The following SELENOF variants were observed in gnomAD, a reference collection of about 807,000 sequenced individuals.
SELENOF encodes selenoprotein F, also known as 15 kDa selenoprotein.
In SELENOF, 16 loss-of-function variants were observed where a neutral mutation model predicts 20.5. That is an observed-to-expected ratio of 0.78 (90% confidence interval 0.53 to 1.19). The LOEUF is 1.19. Ranked by LOEUF, SELENOF falls within the 50% of genes most tolerant of loss-of-function variation. SELENOF has a pLI of 0.00. For synonymous variants in SELENOF, 78 were observed against 74.5 expected (o/e 1.05, Z -0.24); for missense variants, 215 against 194.2 (o/e 1.11, Z -0.64).
At chr1:86,893,990 T>A (rs1294191383) in intron 2 of SELENOF, among the ~76,000 whole-genome samples, 1 of 152,184 alleles carries the variant, frequency 6.6e-6, no homozygotes, top group African/African-American at 2.4e-5. Context: ...TTTCCTATTA[T>A]CTGGAAAGTA....
intron 2 of SELENOF, among the ~76,000 whole-genome samples, chr1:86,890,691 G>A (rs482440): frequency 0.26 from 38,921 of 150,928 alleles, 6,180 homozygotes; most frequent in African/African-American, 0.45. Context: ...TAGAGATGGA[G>A]GTCTTGGTCT....
intron 1 of SELENOF, among the ~76,000 whole-genome samples, chr1:86,912,145 G>A (rs995005027): frequency 5.9e-5 from 9 of 152,124 alleles, no homozygotes; most frequent in African/African-American, 2.2e-4. Flanking sequence ...ATACAGCCAG[G>A]GATAATTCAA....
At chr1:86,891,986 AGTGGCGT>A (rs1460943249) in intron 2 of SELENOF, among the ~76,000 whole-genome samples, 5 of 151,486 alleles carry the variant, frequency 3.3e-5, no homozygotes, top group African/African-American at 1.2e-4. Context: ...GATGGAGTGC[AGTGGCGT>A]GATCTCGGTT....
chr1:86,886,079 C>T (rs1659208008), intron 2 of SELENOF, among the ~76,000 whole-genome samples: 1 of 152,138 alleles, frequency 6.6e-6, no homozygotes, highest in South Asian at 2.1e-4. Context: ...AATGGCCACT[C>T]CAAATTTTCT....
chr1:86,881,905 T>C (rs1370224312), intron 2 of SELENOF, among the ~76,000 whole-genome samples: 1 of 151,960 alleles, frequency 6.6e-6, no homozygotes, highest in African/African-American at 2.4e-5. Context: ...ATTCTGATGA[T>C]CTCTAAGGGT....
At chr1:86,895,425 C>T (rs1034095808) in intron 2 of SELENOF, among the ~76,000 whole-genome samples, 1 of 152,206 alleles carries the variant, frequency 6.6e-6, no homozygotes, top group African/African-American at 2.4e-5. Flanking sequence ...TTACCTACTA[C>T]TTGTTATATG....
chr1:86,872,645 T>G (rs1658807037), intron 3 of SELENOF, among the ~76,000 whole-genome samples: 1 of 151,236 alleles, frequency 6.6e-6, no homozygotes, highest in Admixed American at 6.6e-5. Flanking sequence ...CCTTCCAAAG[T>G]GCTGGGATTA....
intron 1 of SELENOF, among the ~76,000 whole-genome samples, chr1:86,909,123 A>AT (rs1659908657): frequency 6.6e-6 from 1 of 152,186 alleles, no homozygotes; most frequent in Non-Finnish European, 1.5e-5. Context: ...TTGTTCCCTC[A>AT]TCCCCCTTTA....
chr1:86,869,724 CTTCT>C (rs540105918), intron 3 of SELENOF, among the ~76,000 whole-genome samples: 66 of 149,074 alleles, frequency 4.4e-4, no homozygotes, highest in South Asian at 1.3e-3. Context: ...TCCTTCCTTC[CTTCT>C]TTCTTTCTTT....
intron 4 of SELENOF, among the ~76,000 whole-genome samples, chr1:86,864,431 G>A (rs535951161): frequency 6.6e-6 from 1 of 152,308 alleles, no homozygotes; most frequent in African/African-American, 2.4e-5. Context: ...GTTCGGCAGT[G>A]ATGACAGAGT....
chr1:86,879,706 G>A (rs1029421195), intron 3 of SELENOF, among the ~76,000 whole-genome samples: 15 of 152,130 alleles, frequency 9.9e-5, no homozygotes, highest in Admixed American at 3.3e-4. Context: ...CTTCAGACAA[G>A]TTCAGTTTCA....
chr1:86,900,601 TGGGGAGAGGGAGACCGTGGGGAG>T (rs1204233255), intron 2 of SELENOF, among the ~76,000 whole-genome samples: 18 of 137,560 alleles, frequency 1.3e-4, no homozygotes, highest in South Asian at 4.8e-4. Context: ...AGGGAGACCG[TGGGGAGAGGGAGACCGTGGGGAG>T]GGGGAGAGGG....
At chr1:86,870,083 A>G (rs1209331683) in intron 3 of SELENOF, among the ~76,000 whole-genome samples, 1 of 152,218 alleles carries the variant, frequency 6.6e-6, no homozygotes, top group Non-Finnish European at 1.5e-5. Context: ...TTTCTAAAAT[A>G]AAAACAATTG....
chr1:86,911,255 T>A (rs940281110), intron 1 of SELENOF, among the ~76,000 whole-genome samples: 2 of 152,166 alleles, frequency 1.3e-5, no homozygotes, highest in African/African-American at 4.8e-5. Context: ...AGAGAGTAAG[T>A]AGAAGACAGC....
intron 2 of SELENOF, among the ~76,000 whole-genome samples, chr1:86,900,142 G>A (rs1260586937): frequency 1.3e-5 from 2 of 151,790 alleles, no homozygotes; most frequent in East Asian, 1.9e-4. Context: ...CATCCCAGAC[G>A]ATGGGCGGCC....
intron 2 of SELENOF, among the ~76,000 whole-genome samples, chr1:86,900,032 C>T (rs528526708): frequency 6.6e-6 from 1 of 151,438 alleles, no homozygotes; most frequent in African/African-American, 2.4e-5. Flanking sequence ...GATGGGATGG[C>T]GGCCGGGAAG....
At chr1:86,889,031 T>C (rs149454648) in intron 2 of SELENOF, among the ~76,000 whole-genome samples, 48 of 152,262 alleles carry the variant, frequency 3.2e-4, no homozygotes, top group African/African-American at 1.2e-3. Flanking sequence ...TCCCTATAGA[T>C]AGTAATCACC....
At chr1:86,897,227 C>T (rs888170204) in intron 2 of SELENOF, among the ~76,000 whole-genome samples, 1 of 151,908 alleles carries the variant, frequency 6.6e-6, no homozygotes, top group African/African-American at 2.4e-5. Flanking sequence ...GTGGAGGTTG[C>T]GGTGAGCCGA....
intron 2 of SELENOF, among the ~76,000 whole-genome samples, chr1:86,899,803 C>T (rs1659637908): frequency 6.9e-6 from 1 of 145,866 alleles, no homozygotes; most frequent in Middle Eastern, 4.0e-3. Flanking sequence ...GGGCGGCTGC[C>T]GGGCGGAGGG....
Sources: gnomAD v4.1 joint callset for allele counts (sites outside exome capture counted in the v4.1 genomes callset) on GRCh38, gnomAD v4.1.1 for gene constraint, MANE v1.5 for transcripts, NCBI Gene and HGNC (gene_info 2026-07-23, HGNC 2026-07-21) for gene names.